The following MEST variants were observed in gnomAD, a reference collection of about 807,000 sequenced individuals.
MEST encodes mesoderm specific transcript, also known as mesoderm-specific transcript homolog protein.
A neutral mutation model predicts 50.9 loss-of-function variants in MEST; 18 were observed. That is an observed-to-expected ratio of 0.35 (90% CI 0.24 to 0.52). The LOEUF is 0.52. Ranked by LOEUF, MEST falls within the 20% of genes least tolerant of loss-of-function variation. The probability of loss-of-function intolerance (pLI) is 0.94; values close to 1 mark genes in which losing one functional copy is unlikely to be tolerated. For missense variants in MEST, 282 were observed against 425.3 expected, an observed-to-expected ratio of 0.66 and a Z score of 2.96; for synonymous variants, 130 against 154.1, an observed-to-expected ratio of 0.84 and a Z score of 1.16.
chr7:130,500,877 T>A lies in MEST; in HGVS notation c.736T>A (p.Leu246Ile). The A allele has an allele frequency of 6.2e-7, 1 of 1,613,646 alleles. No individual in the cohort carries two copies. Among genetic ancestry groups the A allele is most frequent in the Non-Finnish European group, 8.5e-7 (1 of 1,179,720 alleles). Residue 246 changes from leucine (L) to isoleucine (I), a missense_variant, in exon 9 of 12, where the codon TTA becomes ATA. Transcript: ENST00000223215. This position sits in a 1 kb window ranked among gnomAD's most constrained non-coding sequence, Gnocchi z 5.0. ...WAGIRNNDGN[L>I]VIDSLLQYIN... The stretch of plus-strand genomic sequence containing the variant: ...AGGGATCCGCAACAATGACGGGAAC[T>A]TAGTCATTGACAGGTAAGAAGTTAC...
rs1799453095 is a variant in MEST at position 130,505,713 on chromosome 7, C to T, written c.*657C>T. The T allele has an allele frequency of 6.6e-6, 1 of 152,200 alleles. No individual in the cohort carries two copies. Among genetic ancestry groups the T allele is most frequent in the South Asian group, 2.1e-4 (1 of 4,834 alleles). The allele number at this position is 152,200 out of a possible 1,614,324, so 9.4% of individuals were successfully genotyped here. A position where few individuals can be genotyped will look rare whatever the true frequency, so the allele number is the denominator to read the frequency against. ...TATAAAGATACTAAACCAGCATACCCTTACTCTGCCAGAGTAGTGAAGCTA... is the reference window on the plus strand; with the variant it reads ...TATAAAGATACTAAACCAGCATACCTTTACTCTGCCAGAGTAGTGAAGCTA... On this transcript the variant is annotated 3_prime_UTR_variant, in exon 12 of 12. Transcript: ENST00000223215.
At chr7:130,486,971 T>A (rs1584932095) in intron 1 of MEST, 1 of 152,696 alleles carries the variant, frequency 6.5e-6, no homozygotes, top group African/African-American at 2.4e-5. Context: ...GCTGGGGGCC[T>A]GGTTCAGGGA....
In MEST at chr7:130,499,878, T is replaced by C; in HGVS notation, c.539T>C (p.Ile180Thr). 1 of 1,610,050 alleles carries C rather than the reference T, an allele frequency of 6.2e-7. No individual in the cohort carries two copies. The highest frequency in any genetic ancestry group is 8.5e-7 in the Non-Finnish European group (1 of 1,178,474). ...IKSLCLSNGG[I>T]FPETHRPLLL... ...CTAAGATAAGTCTCTTCTACAGGTA[T>C]CTTTCCTGAGACTCACCGTCCACTC... Residue 180 changes from isoleucine to threonine, a missense_variant, in exon 7 of 12, where the codon ATC (isoleucine) becomes ACC (threonine). Physicochemically the swap from Ile to Thr is moderately conservative, Grantham distance 89. Transcript: ENST00000223215.
intron 9 of MEST, among the ~76,000 whole-genome samples, chr7:130,502,200 C>T (rs1205279497): frequency 2.0e-5 from 3 of 152,158 alleles, no homozygotes; most frequent in Non-Finnish European, 4.4e-5. Flanking sequence ...CCACTGCACT[C>T]CAGCCTAGGT....
intron 10 of MEST, 94 bp from the exon 11 acceptor site, chr7:130,503,839 G>A: frequency 1.0e-6 from 1 of 961,622 alleles, no homozygotes; most frequent in Non-Finnish European, 1.6e-6. Context: ...AAAGGAAGAA[G>A]AAAACATTTC....
At chr7:130,502,215 T>C (rs1051518611) in intron 9 of MEST, among the ~76,000 whole-genome samples, 1 of 152,052 alleles carries the variant, frequency 6.6e-6, no homozygotes, top group Non-Finnish European at 1.5e-5. Flanking sequence ...CTAGGTAACA[T>C]AGGGAGACCC....
chr7:130,497,869 C>A lies in MEST; in HGVS notation c.262-67C>A. The A allele has an allele frequency of 6.9e-7, 1 of 1,438,886 alleles. No individual in the cohort carries two copies. Among genetic ancestry groups the A allele is most frequent in the Non-Finnish European group, 9.8e-7 (1 of 1,020,856 alleles). The allele number at this position is 1,438,886 out of a possible 1,614,324, so 89.1% of individuals were successfully genotyped here. On this transcript the variant is annotated intron_variant, in intron 3 of 11. Transcript: ENST00000223215. This position sits in a 1 kb window ranked among gnomAD's most constrained non-coding sequence, Gnocchi z 4.0. ...CCAAGATAGGGCTGAAGCTCCTGTG[C>A]AACTGTAGGTCTGGTGAAAGGGAGG... is the stretch of plus-strand genomic sequence containing the variant.
intron 6 of MEST, among the ~76,000 whole-genome samples, chr7:130,499,053 C>G (rs1484632452): frequency 6.6e-6 from 1 of 152,146 alleles, no homozygotes; most frequent in African/African-American, 2.4e-5. Context: ...TATTCAAGGA[C>G]CTGCTGTACC....
At chr7:130,502,754 A>G (rs1554438831) in intron 10 of MEST, 34 bp downstream of exon 10, 10 of 1,518,430 alleles carry the variant, frequency 6.6e-6, no homozygotes, top group Non-Finnish European at 9.1e-6. Context: ...AGGAAACTGA[A>G]GGACTATAGG....
At chr7:130,490,124 T>C (rs1451640109), upstream of MEST, among the ~76,000 whole-genome samples, 2 of 152,238 alleles carry the variant, frequency 1.3e-5, no homozygotes, top group Non-Finnish European at 2.9e-5. Flanking sequence ...TTTTGCAGAG[T>C]AATTCAGTCT....
At chr7:130,501,009 G>C in intron 9 of MEST, 119 bp downstream of exon 9, 2 of 749,432 alleles carry the variant, frequency 2.7e-6, no homozygotes, top group South Asian at 4.0e-5. Context: ...ATGACCTATG[G>C]GGCAAACCAA....
intron 9 of MEST, among the ~76,000 whole-genome samples, chr7:130,502,368 A>G (rs573962340): frequency 6.6e-6 from 1 of 152,312 alleles, no homozygotes; most frequent in Non-Finnish European, 1.5e-5. Context: ...ATCCAAACCA[A>G]CTGTCAGCCT....
In MEST at chr7:130,492,087, C is replaced by T; in HGVS notation, c.-227C>T. 3.8e-6 allele frequency: 1 copy of T among 259,914 alleles called. No homozygotes were observed. The highest frequency in any genetic ancestry group is 7.2e-6 in the Non-Finnish European group (1 of 138,650). 16.1% of individuals were successfully genotyped at this position (259,914 alleles called of 1,614,324 possible). A position where few individuals can be genotyped will look rare whatever the true frequency, so the allele number is the denominator to read the frequency against. On this transcript the variant is annotated 5_prime_UTR_variant, in exon 1 of 12. Coordinates refer to ENST00000223215, the MANE Select transcript of MEST (RefSeq NM_002402.4). This position sits in a 1 kb window ranked among gnomAD's most constrained non-coding sequence, Gnocchi z 7.6. ...GTCGGTGCCCACTCGCTCCGCGCTG[C>T]CGCGGCAACCAGCACACCCCGGCAC...
At chr7:130,503,426 G>A (rs1380349120) in intron 10 of MEST, among the ~76,000 whole-genome samples, 2 of 152,228 alleles carry the variant, frequency 1.3e-5, no homozygotes, top group Non-Finnish European at 1.5e-5. Flanking sequence ...TGTGTCCAAT[G>A]AATGAACTGG....
rs561353737 is a variant in MEST, at chr7:130,495,508, G to C, written c.167G>C (p.Arg56Pro). ...SGKFFTYKGL[R>P]IFYQDSVGVV... is the part of the protein sequence containing the mutation. ...AAGTTTTTCACTTACAAGGGACTGC[G>C]TATCTTCTACCAAGGTAAGAAGTGG... The change falls in exon 2 of 12, where the codon CGT (arginine) becomes CCT (proline). Residue 56 changes from arginine (R) to proline (P), a missense_variant. By Grantham distance (103) the Arg-to-Pro change is moderately radical. Transcript: ENST00000223215. 1 of 1,613,876 alleles carries C rather than the reference G, an allele frequency of 6.2e-7. No individual in the cohort carries two copies. The highest frequency in any genetic ancestry group is 8.5e-7 in the Non-Finnish European group (1 of 1,179,910).
intron 2 of MEST, chr7:130,496,364 G>C (rs1799061117): frequency 3.0e-6 from 1 of 337,916 alleles, no homozygotes; most frequent in Non-Finnish European, 5.6e-6. Context: ...GATTTTATTT[G>C]CACAGATTCT....
At position 130,493,674 on chromosome 7, in the gene MEST, C is replaced by T. The variant is rs1289836246; in HGVS notation, c.26+1335C>T. Among the ~76,000 whole-genome samples the T allele has an allele frequency of 5.3e-5, 8 of 152,298 alleles. No homozygotes were observed. In the South Asian group the frequency reaches 8.3e-4, roughly 16 times the overall value. ...GCGGCGGGGAAGCCTCCCCATTTGCCGCTCTGGCCGCCCCTCCCGGGGCTC... is the reference window on the plus strand; with the variant it reads ...GCGGCGGGGAAGCCTCCCCATTTGCTGCTCTGGCCGCCCCTCCCGGGGCTC... On this transcript the variant is annotated intron_variant, in intron 1 of 11. Coordinates refer to ENST00000223215, the MANE Select transcript of MEST (RefSeq NM_002402.4).
intron 6 of MEST, 42 bp from the exon 7 acceptor site, chr7:130,499,833 T>A (rs782766554): frequency 2.7e-5 from 41 of 1,499,496 alleles, no homozygotes; most frequent in Admixed American, 8.5e-5. Context: ...AAAAAAAAAA[T>A]TAAAGCTGTA....
intron 7 of MEST, 64 bp downstream of exon 7, chr7:130,499,979 CT>C: frequency 7.5e-7 from 1 of 1,333,712 alleles, no homozygotes; most frequent in Non-Finnish European, 1.1e-6. Flanking sequence ...ATGCTGGGAC[CT>C]TTTAAGGGCC....
Sources: allele counts gnomAD v4.1 joint callset (sites outside exome capture counted in the v4.1 genomes callset), GRCh38; gene constraint gnomAD v4.1.1; non-coding constraint Gnocchi (gnomAD v3.1); transcripts MANE v1.5; gene names NCBI Gene and HGNC (gene_info 2026-07-23, HGNC 2026-07-21).